Variants in DSG2 observed in about 807,000 individuals in gnomAD.
DSG2 encodes desmoglein-2.
A neutral mutation model predicts 75.6 loss-of-function variants in DSG2; 45 were observed. The observed-to-expected ratio is 0.60, with a 90% CI of 0.47 to 0.76. The LOEUF is 0.76. Ranked by LOEUF, DSG2 falls within the 30% of genes least tolerant of loss-of-function variation. DSG2 has a pLI of 0.00. For synonymous variants in DSG2, 429 were observed against 483.9 expected (o/e 0.89, Z 1.49); for missense variants, 1,267 against 1,357.4 (o/e 0.93, Z 1.05).
intron 5 of DSG2, among the ~76,000 whole-genome samples, 196 bp from the exon 6 acceptor site, chr18:31,521,887 A>T (rs2073130362): frequency 1.3e-5 from 2 of 152,114 alleles, no homozygotes; most frequent in South Asian, 4.1e-4. Context: ...CCTTGCCTTC[A>T]TCTTGTTTTT....
intron 11 of DSG2, 32 bp downstream of exon 11, chr18:31,536,461 T>C: frequency 6.4e-7 from 1 of 1,563,400 alleles, no homozygotes; most frequent in Non-Finnish European, 8.8e-7. Flanking sequence ...CATAGAAATC[T>C]AAATATTAAG....
chr18:31,531,975 T>C (rs1047804183), intron 9 of DSG2, among the ~76,000 whole-genome samples: 4 of 152,200 alleles, frequency 2.6e-5, no homozygotes, highest in African/African-American at 9.6e-5. Flanking sequence ...CTAGTTACTG[T>C]TACTGCAGTT....
At chr18:31,505,511 T>C (rs1283847115) in intron 1 of DSG2, among the ~76,000 whole-genome samples, 1 of 152,210 alleles carries the variant, frequency 6.6e-6, no homozygotes, top group African/African-American at 2.4e-5. Context: ...ATAAACTAGC[T>C]AAATGCCTTG....
At chr18:31,527,983 A>G (rs572934063) in intron 8 of DSG2, among the ~76,000 whole-genome samples, 1 of 152,298 alleles carries the variant, frequency 6.6e-6, no homozygotes, top group South Asian at 2.1e-4. Flanking sequence ...TCTTAATATC[A>G]TCACTTTGAG....
rs2073307337 is a variant in DSG2 at position 31,546,182 on chromosome 18, T to C, written c.2796T>C (p.Asn932=). 1.9e-6 allele frequency: 3 copies of C among 1,614,018 alleles called. No individual in the cohort carries two copies. Among genetic ancestry groups the C allele is most frequent in the Non-Finnish European group, 2.5e-6 (3 of 1,179,934 alleles). ...TPLPDPMASR[N]VIATETSYVT... ...TTCCTGACCCAATGGCTTCTAGAAATGTGATAGCAACAGAAACTTCCTATG... is the reference window on the plus strand; with the variant it reads ...TTCCTGACCCAATGGCTTCTAGAAACGTGATAGCAACAGAAACTTCCTATG... Residue 932 remains asparagine, a synonymous_variant, in exon 15 of 15, where the codon AAT becomes AAC. Coordinates refer to ENST00000261590, the MANE Select transcript of DSG2 (RefSeq NM_001943.5).
Position 31,547,967 on chromosome 18 carries a change from T to C in DSG2, c.*1224T>C, listed in dbSNP as rs1169850660. The C allele has an allele frequency of 1.3e-5, 2 of 152,166 alleles. No individual in the cohort carries two copies. Among genetic ancestry groups the C allele is most frequent in the Non-Finnish European group, 2.9e-5 (2 of 68,028 alleles). The allele number at this position is 152,166 out of a possible 1,614,324, so 9.4% of individuals were successfully genotyped here. A position where few individuals can be genotyped will look rare whatever the true frequency, so the allele number is the denominator to read the frequency against. ...CTCAGTGCCTAACATGGGTGCCAAA[T>C]AAATATTCGTAGAATTACACTGAAT... On this transcript the variant is annotated 3_prime_UTR_variant, in exon 15 of 15. Coordinates refer to ENST00000261590, the MANE Select transcript of DSG2 (RefSeq NM_001943.5).
intron 9 of DSG2, among the ~76,000 whole-genome samples, chr18:31,532,890 T>C (rs1477104708): frequency 2.0e-5 from 3 of 149,858 alleles, no homozygotes; most frequent in Non-Finnish European, 1.5e-5. Context: ...CACCAAATTA[T>C]TGACTTTTGG....
chr18:31,545,708 G>A lies in DSG2; in HGVS notation c.2335-13G>A. On this transcript the variant is annotated splice_polypyrimidine_tract_variant and intron_variant, in intron 14 of 14. Transcript: ENST00000261590. ...GTCTGTTTTGTGTTTGTTTTGTTTT[G>A]TTTTCATTTTAGAAAGCGGCCTCTT... 6.2e-7 allele frequency: 1 copy of A among 1,612,150 alleles called. No homozygotes were observed. Among genetic ancestry groups the A allele is most frequent in the Non-Finnish European group, 8.5e-7 (1 of 1,179,922 alleles).
chr18:31,520,688 A>T (rs2073122324), intron 3 of DSG2, 115 bp from the exon 4 acceptor site: 1 of 1,140,312 alleles, frequency 8.8e-7, no homozygotes, highest in African/African-American at 1.6e-5. Context: ...GAAATTGTCC[A>T]TAAAAATATT....
At chr18:31,518,418 A>G in intron 2 of DSG2, 144 bp downstream of exon 2, 2 of 718,218 alleles carry the variant, frequency 2.8e-6, no homozygotes, top group Middle Eastern at 2.4e-4. Context: ...AGAGGAGCTT[A>G]TCCAGGGGTA....
At chr18:31,526,596 A>G (rs370826666) in intron 8 of DSG2, among the ~76,000 whole-genome samples, 2 of 152,184 alleles carry the variant, frequency 1.3e-5, no homozygotes, top group African/African-American at 4.8e-5. Context: ...TAAGCCATCA[A>G]TTTATAGGTA....
chr18:31,536,680 A>G (rs1366456231), intron 11 of DSG2, among the ~76,000 whole-genome samples: 2 of 152,212 alleles, frequency 1.3e-5, no homozygotes, highest in East Asian at 1.9e-4. Context: ...TTGTCTGGTA[A>G]GGTGAGGAGT....
chr18:31,522,869 C>T (rs998594543), intron 6 of DSG2, among the ~76,000 whole-genome samples: 2 of 152,096 alleles, frequency 1.3e-5, no homozygotes, highest in Non-Finnish European at 2.9e-5. Context: ...CTCTAAATCC[C>T]AAATTGAAGG....
At chr18:31,505,594 G>A (rs1347551644) in intron 1 of DSG2, among the ~76,000 whole-genome samples, 1 of 151,728 alleles carries the variant, frequency 6.6e-6, no homozygotes, top group Non-Finnish European at 1.5e-5. Context: ...ATAATGATAT[G>A]GATTTCATGT....
Position 31,498,268 on chromosome 18 carries a change from G to T in DSG2, c.17G>T (p.Gly6Val). 2 of 1,263,492 alleles carry T rather than the reference G, an allele frequency of 1.6e-6. No individual in the cohort carries two copies. The highest frequency in any genetic ancestry group is 2.0e-6 in the Non-Finnish European group (2 of 1,000,256). The allele number at this position is 1,263,492 out of a possible 1,614,324, so 78.3% of individuals were successfully genotyped here. A position where few individuals can be genotyped will look rare whatever the true frequency, so the allele number is the denominator to read the frequency against. MARSPGRAYALLLLLI... is the reference protein window; with the variant it reads MARSPVRAYALLLLLI... ...GAGGGTGCGATGGCGCGGAGCCCGG[G>T]ACGCGCGTACGCCCTGCTGCTTCTC... Residue 6 changes from glycine to valine, a missense_variant, in exon 1 of 15, where the codon GGA (glycine) becomes GTA (valine). Transcript: ENST00000261590.
Position 31,524,767 on chromosome 18 carries a change from C to T in DSG2, c.893C>T (p.Ala298Val), listed in dbSNP as rs1356039985. ...VEVTRIKVFD[A>V]DEIGSDNWLA... ...GTTACGCGCATAAAAGTGTTCGATG[C>T]AGATGAAATAGGTTCTGATAATTGG... The change falls in exon 8 of 15, where the codon GCA (alanine) becomes GTA (valine). Residue 298 changes from alanine to valine, a missense_variant. By Grantham distance (64) the Ala-to-Val change is moderately conservative. Coordinates refer to ENST00000261590, the MANE Select transcript of DSG2 (RefSeq NM_001943.5). 6.2e-7 allele frequency: 1 copy of T among 1,614,086 alleles called. No individual in the cohort carries two copies. Among genetic ancestry groups the T allele is most frequent in the Admixed American group, 1.7e-5 (1 of 60,012 alleles).
chr18:31,541,643 T>C (rs192920597), intron 13 of DSG2, among the ~76,000 whole-genome samples: 2 of 152,258 alleles, frequency 1.3e-5, no homozygotes, highest in Admixed American at 1.3e-4. Context: ...TTCATTTCCA[T>C]TTCCCTCAAT....
chr18:31,502,095 T>G (rs760226286), intron 1 of DSG2, among the ~76,000 whole-genome samples: 1 of 152,238 alleles, frequency 6.6e-6, no homozygotes, highest in African/African-American at 2.4e-5. Context: ...ATGGCAGCTC[T>G]TAACAGAAAT....
chr18:31,523,247 A>G (rs563061420), intron 6 of DSG2, among the ~76,000 whole-genome samples: 1 of 152,104 alleles, frequency 6.6e-6, no homozygotes, highest in African/African-American at 2.4e-5. Flanking sequence ...TAAATATACA[A>G]AAAATTAGCT....
Sources: gnomAD v4.1 joint callset for allele counts (sites outside exome capture counted in the v4.1 genomes callset) on GRCh38, gnomAD v4.1.1 for gene constraint, MANE v1.5 for transcripts, NCBI Gene and HGNC (gene_info 2026-07-23, HGNC 2026-07-21) for gene names.